SDCCAG8: variants seen among roughly 807,000 people sequenced by gnomAD.
SDCCAG8 encodes serologically defined colon cancer antigen 8.
A neutral mutation model predicts 101.8 loss-of-function variants in SDCCAG8; 74 were observed. The observed-to-expected ratio is 0.73, with a 90% CI of 0.60 to 0.88. The LOEUF is 0.88. Ranked by LOEUF, SDCCAG8 falls within the 40% of genes least tolerant of loss-of-function variation. SDCCAG8 has a pLI of 0.00. For missense variants in SDCCAG8, 787 were observed against 822.6 expected (o/e 0.96, Z 0.53); for synonymous variants, 281 against 292.9 (o/e 0.96, Z 0.41).
intron 16 of SDCCAG8, among the ~76,000 whole-genome samples, chr1:243,456,222 A>G (rs920095448): frequency 6.6e-6 from 1 of 152,068 alleles, no homozygotes; most frequent in Admixed American, 6.5e-5. Context: ...AGCCTGACAT[A>G]ATTAGGTCTG....
chr1:243,294,146 C>T (rs2070552763), intron 6 of SDCCAG8, among the ~76,000 whole-genome samples: 1 of 152,094 alleles, frequency 6.6e-6, no homozygotes, highest in African/African-American at 2.4e-5. Flanking sequence ...GTCAGCTTAT[C>T]CTGTTCTTTT....
At chr1:243,469,997 CAA>C (rs59173777) in intron 16 of SDCCAG8, among the ~76,000 whole-genome samples, 5 of 141,726 alleles carry the variant, frequency 3.5e-5, no homozygotes, top group Non-Finnish European at 3.1e-5. Context: ...TCTTTGTTAC[CAA>C]AAAAAAAAAA....
At chr1:243,471,531 G>T (rs1287890863) in intron 16 of SDCCAG8, among the ~76,000 whole-genome samples, 1 of 152,030 alleles carries the variant, frequency 6.6e-6, no homozygotes, top group African/African-American at 2.4e-5. Flanking sequence ...GGCCCTCCAC[G>T]GGGGGTCCAG....
At chr1:243,280,488 ATTTGCTATTGGT>A (rs1346314572) in intron 4 of SDCCAG8, among the ~76,000 whole-genome samples, 2 of 151,974 alleles carry the variant, frequency 1.3e-5, no homozygotes, top group African/African-American at 2.4e-5. Context: ...TCTGGAATTA[ATTTGCTATTGGT>A]TTTGCAACTT....
intron 15 of SDCCAG8, among the ~76,000 whole-genome samples, chr1:243,425,002 C>G (rs1409134977): frequency 6.6e-6 from 1 of 151,932 alleles, no homozygotes; most frequent in Non-Finnish European, 1.5e-5. Flanking sequence ...AAAAATTTAT[C>G]ATAACTGCCT....
intron 6 of SDCCAG8, among the ~76,000 whole-genome samples, chr1:243,297,013 A>G (rs2070998248): frequency 6.6e-6 from 1 of 152,168 alleles, no homozygotes; most frequent in Non-Finnish European, 1.5e-5. Flanking sequence ...TACAGCTCAA[A>G]GATTTATCTG....
Position 243,274,560 on chromosome 1 carries a change from G to A in SDCCAG8, c.324G>A (p.Glu108=). ...TGTCATAGAGGTCATTAGAACATGA[G>A]GAAACCAATATGCCTACTATGCACG... The part of the protein sequence containing the change: ...KMSPLRSLEH[E]ETNMPTMHDL... The change falls in exon 4 of 18, where the codon GAG becomes GAA. Residue 108 remains glutamate, a synonymous_variant. Coordinates refer to ENST00000366541, the MANE Select transcript of SDCCAG8 (RefSeq NM_006642.5). 1 of 1,597,536 alleles carries A rather than the reference G, an allele frequency of 6.3e-7. No individual in the cohort carries two copies. The highest frequency in any genetic ancestry group is 8.6e-7 in the Non-Finnish European group (1 of 1,166,372).
At chr1:243,459,298 A>G (rs960453150) in intron 16 of SDCCAG8, among the ~76,000 whole-genome samples, 2 of 152,178 alleles carry the variant, frequency 1.3e-5, no homozygotes, top group Admixed American at 6.5e-5. Flanking sequence ...TAGAATTTAA[A>G]TAGGTTTGCC....
intron 16 of SDCCAG8, among the ~76,000 whole-genome samples, chr1:243,456,133 C>T (rs542959475): frequency 6.6e-5 from 10 of 152,020 alleles, no homozygotes; most frequent in Middle Eastern, 3.2e-3. Flanking sequence ...TCGAATGAAC[C>T]GGGAGCATGC....
intron 12 of SDCCAG8, among the ~76,000 whole-genome samples, chr1:243,344,914 A>G (rs1239940403): frequency 6.6e-6 from 1 of 152,204 alleles, no homozygotes; most frequent in African/African-American, 2.4e-5. Flanking sequence ...GATGAAGTAG[A>G]TAACTCCAAT....
At chr1:243,430,859 C>T (rs949621272) in intron 16 of SDCCAG8, among the ~76,000 whole-genome samples, 2 of 152,194 alleles carry the variant, frequency 1.3e-5, no homozygotes, top group Admixed American at 6.5e-5. Flanking sequence ...TGTATTCTAA[C>T]TCCACAATAG....
chr1:243,355,448 C>T (rs978268165), intron 12 of SDCCAG8, among the ~76,000 whole-genome samples: 10 of 152,096 alleles, frequency 6.6e-5, no homozygotes, highest in South Asian at 2.1e-4. Flanking sequence ...TGCGAGGGGA[C>T]GCTCATATCT....
Position 243,341,103 on chromosome 1 carries a change from A to T in SDCCAG8, c.1286A>T (p.Lys429Met). Residue 429 changes from lysine (K) to methionine (M), a missense_variant, in exon 11 of 18, where the codon AAG becomes ATG. Lys to Met is a moderately conservative substitution (Grantham distance 95). Coordinates refer to ENST00000366541, the MANE Select transcript of SDCCAG8 (RefSeq NM_006642.5). ...EAQVEKVTKE[K>M]ISAINQLEEI... is the part of the protein sequence containing the mutation. ...CAGGTGGAAAAGGTTACAAAGGAAA[A>T]GATTTCAGCTATTAATCAACTGGAG... The T allele has an allele frequency of 6.2e-7, 1 of 1,614,132 alleles. No individual in the cohort carries two copies. The highest frequency in any genetic ancestry group is 8.5e-7 in the Non-Finnish European group (1 of 1,179,940).
chr1:243,260,135 C>G (rs78000286), intron 1 of SDCCAG8, among the ~76,000 whole-genome samples: 2,412 of 152,260 alleles, frequency 0.016, 70 homozygotes, highest in African/African-American at 0.055. Context: ...GATTCTTCTT[C>G]AAAACGAGAG....
intron 16 of SDCCAG8, among the ~76,000 whole-genome samples, chr1:243,440,612 A>G (rs888969405): frequency 6.6e-6 from 1 of 152,194 alleles, no homozygotes; most frequent in African/African-American, 2.4e-5. Flanking sequence ...CAGTGTTCCA[A>G]TTGTGCACTT....
chr1:243,320,092 C>A (rs1050552922), intron 9 of SDCCAG8, among the ~76,000 whole-genome samples: 1 of 152,172 alleles, frequency 6.6e-6, no homozygotes, highest in Non-Finnish European at 1.5e-5. Context: ...CTTCTGTATT[C>A]TCTTACTGGA....
Position 243,377,034 on chromosome 1 carries a change from A to G in SDCCAG8, c.1474-1687A>G, listed in dbSNP as rs572564610. ...ATGCTAATATATCCCTCATCTGGCT[A>G]CTGAGGCATGAATTTTCTCTATAAC... is the stretch of plus-strand genomic sequence containing the variant. On this transcript the variant is annotated intron_variant, in intron 12 of 17. Coordinates refer to ENST00000366541, the MANE Select transcript of SDCCAG8 (RefSeq NM_006642.5). 5.5e-4 allele frequency among the ~76,000 whole-genome samples: 83 copies of G among 152,256 alleles called. 1 individual carries two copies. Among genetic ancestry groups the G allele is most frequent in the African/African-American group, 1.9e-3 (81 of 41,562 alleles).
intron 16 of SDCCAG8, among the ~76,000 whole-genome samples, chr1:243,444,200 G>A (rs1281150043): frequency 6.6e-6 from 1 of 152,088 alleles, no homozygotes; most frequent in Non-Finnish European, 1.5e-5. Flanking sequence ...GAAAGAAGCA[G>A]CAAAACAATA....
At chr1:243,355,445 G>A (rs529423474) in intron 12 of SDCCAG8, among the ~76,000 whole-genome samples, 1 of 152,092 alleles carries the variant, frequency 6.6e-6, no homozygotes, top group African/African-American at 2.4e-5. Flanking sequence ...AAGTGCGAGG[G>A]GACGCTCATA....
Sources: gnomAD v4.1 joint callset for allele counts (sites outside exome capture counted in the v4.1 genomes callset) on GRCh38, gnomAD v4.1.1 for gene constraint, MANE v1.5 for transcripts, NCBI Gene and HGNC (gene_info 2026-07-23, HGNC 2026-07-21) for gene names.